The following RNGTT variants were observed in gnomAD, a reference collection of about 807,000 sequenced individuals.
The protein encoded by RNGTT is mRNA-capping enzyme.
In RNGTT, 33 loss-of-function variants were observed where a neutral mutation model predicts 79.3. The ratio of observed to expected loss-of-function variants is 0.42; its 90% confidence interval spans 0.32 to 0.56. The LOEUF (loss-of-function observed/expected upper bound fraction) is 0.56, where lower values mean the gene tolerates loss of function less well. Among genes scored for constraint, RNGTT ranks in the 20% least tolerant of loss-of-function variants. The pLI is 0.17. For synonymous variants in RNGTT, 222 were observed against 235.9 expected, an observed-to-expected ratio of 0.94 and a Z score of 0.54; for missense variants, 497 against 739.1, an observed-to-expected ratio of 0.67 and a Z score of 3.80.
chr6:88,960,959 T>C (rs1176054902), intron 1 of RNGTT, among the ~76,000 whole-genome samples: 5 of 152,160 alleles, frequency 3.3e-5, no homozygotes, highest in African/African-American at 7.2e-5. Context: ...GTCAACTCGA[T>C]TGGATTGAAG....
rs748085207 is a variant in RNGTT at position 88,890,569 on chromosome 6, A to G, written c.822T>C (p.Val274=). Residue 274 remains valine, a synonymous_variant, in exon 8 of 16, where the codon GTT becomes GTC. Transcript: ENST00000369485. ...EGSGFPGAQP[V]SMDKQNIKLL... ...GTTTAATATTTTGCTTGTCCATGGA[A>G]ACAGGCTGTGCTCCAGGGAATCCAG... 4.4e-5 allele frequency: 71 copies of G among 1,613,558 alleles called. No homozygotes were observed. The South Asian group carries it at 7.6e-4, about 17-fold the overall frequency.
chr6:88,815,582 G>T (rs1481400430), intron 11 of RNGTT, among the ~76,000 whole-genome samples: 1 of 152,174 alleles, frequency 6.6e-6, no homozygotes, highest in African/African-American at 2.4e-5. Flanking sequence ...ATAGGTTTTT[G>T]TCACTGTATT....
chr6:88,715,875 C>A lies in RNGTT; in HGVS notation c.1440-37456G>T, dbSNP rs575701144. Reference sequence around the variant, plus strand: ...AACCATAAAAACCCTAGAAGAAAACCTAGGCATTACCATTCAGGACATAGG... The same window carrying A: ...AACCATAAAAACCCTAGAAGAAAACATAGGCATTACCATTCAGGACATAGG... On this transcript the variant is annotated intron_variant, in intron 13 of 15. Transcript: ENST00000369485. Among the ~76,000 whole-genome samples, 444 of 152,244 alleles carry A rather than the reference C, an allele frequency of 2.9e-3. 1 individual carries two copies. The highest frequency in any genetic ancestry group is 0.01 in the African/African-American group (418 of 41,520).
intron 8 of RNGTT, 54 bp downstream of exon 8, chr6:88,890,441 A>G (rs1783008107): frequency 9.1e-7 from 1 of 1,099,914 alleles, no homozygotes. Flanking sequence ...CAATAAAACA[A>G]TATTCTTCAA....
Position 88,640,378 on chromosome 6 carries a change from TG to T in RNGTT, c.1507-25984del, listed in dbSNP as rs1434894942. 9.1e-5 allele frequency among the ~76,000 whole-genome samples: 12 copies of T among 132,562 alleles called. 2 individuals are homozygous for T. 87.0% of individuals were successfully genotyped at this position (132,562 alleles called of 152,430 possible). ...CAACATAGGCAGCATACCGAGACCC[TG>T]TCTCTACAAAAAAAAAAAAAAAAAA... is the stretch of plus-strand genomic sequence containing the variant. On this transcript the variant is annotated intron_variant, in intron 14 of 15. Transcript: ENST00000369485.
chr6:88,932,054 T>C (rs1053990000), intron 2 of RNGTT, among the ~76,000 whole-genome samples: 1 of 152,090 alleles, frequency 6.6e-6, no homozygotes, highest in Non-Finnish European at 1.5e-5. Flanking sequence ...ATTTCCCTTA[T>C]TGCCAAAAAC....
chr6:88,803,217 T>A (rs9359816), intron 11 of RNGTT, among the ~76,000 whole-genome samples: 16 of 152,086 alleles, frequency 1.1e-4, no homozygotes, highest in African/African-American at 3.9e-4. Flanking sequence ...GACACTGAGA[T>A]AGAAATTAGA....
At chr6:88,750,646 A>G (rs17502171) in intron 13 of RNGTT, among the ~76,000 whole-genome samples, 21,065 of 152,068 alleles carry the variant, frequency 0.14, 1,592 homozygotes, top group Middle Eastern at 0.24. Flanking sequence ...TCACAGTGTG[A>G]TCCTGGCCTG....
intron 14 of RNGTT, among the ~76,000 whole-genome samples, chr6:88,669,443 C>T (rs749512910): frequency 1.3e-5 from 2 of 152,142 alleles, no homozygotes; most frequent in African/African-American, 2.4e-5. Flanking sequence ...GTCTTAAAAA[C>T]CTCAATTATT....
intron 2 of RNGTT, among the ~76,000 whole-genome samples, chr6:88,937,177 C>T (rs920977285): frequency 3.3e-5 from 5 of 152,006 alleles, no homozygotes; most frequent in African/African-American, 1.2e-4. Context: ...AACCCCATCT[C>T]AACTAAAAAA....
intron 2 of RNGTT, among the ~76,000 whole-genome samples, chr6:88,930,054 A>G (rs1022434545): frequency 3.4e-5 from 5 of 148,666 alleles, no homozygotes; most frequent in African/African-American, 1.2e-4. Context: ...ATATACATAT[A>G]CATGTATATG....
intron 8 of RNGTT, among the ~76,000 whole-genome samples, chr6:88,881,700 T>TAA (rs1176881344): frequency 4.6e-5 from 7 of 152,190 alleles, no homozygotes; most frequent in Non-Finnish European, 8.8e-5. Flanking sequence ...TTTCACTAAC[T>TAA]CTTAATAATG....
intron 14 of RNGTT, among the ~76,000 whole-genome samples, chr6:88,666,826 C>T (rs918037687): frequency 2.6e-5 from 4 of 151,988 alleles, no homozygotes; most frequent in Admixed American, 6.6e-5. Context: ...CCCAGAAGGC[C>T]GAACTCATTG....
intron 11 of RNGTT, among the ~76,000 whole-genome samples, chr6:88,807,496 A>C (rs1020534581): frequency 3.9e-5 from 6 of 152,176 alleles, no homozygotes; most frequent in Non-Finnish European, 8.8e-5. Context: ...GAAGAAACGT[A>C]CGTGGCACTT....
chr6:88,693,464 T>C (rs1007198557), intron 13 of RNGTT, among the ~76,000 whole-genome samples: 1 of 152,084 alleles, frequency 6.6e-6, no homozygotes, highest in Admixed American at 6.5e-5. Flanking sequence ...GGAGATTGAA[T>C]CTGTAATAAA....
intron 8 of RNGTT, among the ~76,000 whole-genome samples, chr6:88,858,458 G>A (rs558677990): frequency 6.6e-5 from 10 of 152,320 alleles, no homozygotes; most frequent in Middle Eastern, 6.8e-3. Flanking sequence ...GGTAGAGCCT[G>A]TCAGAGTTTG....
rs76266822 is a variant in RNGTT at position 88,925,806 on chromosome 6, G to A, written c.367+3179C>T. On this transcript the variant is annotated intron_variant, in intron 4 of 15. Transcript: ENST00000369485. ...GAGGATCAATTGAGGACAGGAGTTC[G>A]AGGCTGTAGTGTGCTATAATCATGC... is the stretch of plus-strand genomic sequence containing the variant. Among the ~76,000 whole-genome samples the A allele has an allele frequency of 3.2e-3, 492 of 152,184 alleles. 7 individuals carry two copies. The highest frequency in any genetic ancestry group is 0.011 in the African/African-American group (462 of 41,514).
chr6:88,752,113 A>T (rs1460388671), intron 13 of RNGTT, among the ~76,000 whole-genome samples: 1 of 152,086 alleles, frequency 6.6e-6, no homozygotes, highest in Admixed American at 6.6e-5. Flanking sequence ...AGCTTTCTTC[A>T]TTTTATAATA....
chr6:88,665,652 G>A (rs1338930765), intron 14 of RNGTT, among the ~76,000 whole-genome samples: 1 of 152,184 alleles, frequency 6.6e-6, no homozygotes, highest in Non-Finnish European at 1.5e-5. Flanking sequence ...CTTTCAGTGG[G>A]AGGATCCGGG....
Sources: gnomAD v4.1 joint callset for allele counts (sites outside exome capture counted in the v4.1 genomes callset) on GRCh38, gnomAD v4.1.1 for gene constraint, MANE v1.5 for transcripts, NCBI Gene and HGNC (gene_info 2026-07-23, HGNC 2026-07-21) for gene names.